SPATA22: variants seen among roughly 807,000 people sequenced by gnomAD.
The protein encoded by SPATA22 is spermatogenesis-associated protein 22.
A neutral mutation model predicts 47.8 loss-of-function variants in SPATA22; 29 were observed. The observed-to-expected ratio is 0.61, with a 90% CI of 0.45 to 0.83. The LOEUF is 0.83. Ranked by LOEUF, SPATA22 falls within the 40% of genes least tolerant of loss-of-function variation. SPATA22 has a pLI of 0.00. For missense variants in SPATA22, 410 were observed against 421.7 expected, an observed-to-expected ratio of 0.97 and a Z score of 0.24; for synonymous variants, 133 against 140.9, an observed-to-expected ratio of 0.94 and a Z score of 0.40.
intron 1 of SPATA22, among the ~76,000 whole-genome samples, chr17:3,470,659 G>A (rs574688498): frequency 2.0e-5 from 3 of 152,168 alleles, no homozygotes; most frequent in Admixed American, 2.0e-4. Context: ...GCTGAGGCAG[G>A]AGAATGGCAT....
chr17:3,487,588 A>C lies in SPATA22; in HGVS notation c.-73-18190T>G, dbSNP rs150758011. On this transcript the variant is annotated intron_variant, in intron 1 of 8. Coordinates refer to the SPATA22 transcript ENST00000541913. ...ACAGGATCTGTATCTCTTATTGCTA[A>C]GCCTTTGATTTGTTTCAGCTAATTG... is the stretch of plus-strand genomic sequence containing the variant. 1.3e-3 allele frequency among the ~76,000 whole-genome samples: 205 copies of C among 152,284 alleles called. 1 individual carries two copies. In the Middle Eastern group the frequency reaches 0.014, roughly 10 times the overall value.
chr17:3,462,686 G>A, intron 4 of SPATA22, 21 bp downstream of exon 4: 1 of 1,603,064 alleles, frequency 6.2e-7, no homozygotes, highest in Non-Finnish European at 8.5e-7. Context: ...CACATCCAAT[G>A]GTTTATATTT....
intron 3 of SPATA22, among the ~76,000 whole-genome samples, chr17:3,464,842 A>G: frequency 9.3e-5 from 10 of 107,488 alleles, no homozygotes; most frequent in Non-Finnish European, 1.7e-4. Context: ...CCGTCTGGGA[A>G]GTGAGGAGCG....
At chr17:3,492,065 C>T (rs1304362786) in intron 1 of SPATA22, among the ~76,000 whole-genome samples, 1 of 151,968 alleles carries the variant, frequency 6.6e-6, no homozygotes, top group Non-Finnish European at 1.5e-5. Context: ...TTTGTAGAGA[C>T]AGGGTTTTGC....
chr17:3,503,767 G>C (rs766871293), intron 1 of SPATA22, among the ~76,000 whole-genome samples: 3 of 151,786 alleles, frequency 2.0e-5, no homozygotes, highest in African/African-American at 7.3e-5. Context: ...ATTTTACTTT[G>C]ATTATTTCTA....
intron 1 of SPATA22, among the ~76,000 whole-genome samples, chr17:3,508,824 G>T (rs149537674): frequency 7.0e-6 from 1 of 143,590 alleles, no homozygotes; most frequent in Non-Finnish European, 1.5e-5. Context: ...TGGGTGCAGC[G>T]CACCAGCATG....
chr17:3,499,365 T>A, intron 1 of SPATA22: 1 of 261,886 alleles, frequency 3.8e-6, no homozygotes, highest in Non-Finnish European at 7.1e-6. Flanking sequence ...AAACAGCCTT[T>A]GTATTCAGAA....
chr17:3,484,515 T>C (rs1431209853), intron 1 of SPATA22, among the ~76,000 whole-genome samples: 1 of 152,060 alleles, frequency 6.6e-6, no homozygotes, highest in African/African-American at 2.4e-5. Flanking sequence ...TGTATGTGTA[T>C]GTGTTTGGGG....
chr17:3,506,992 AAGGGAGGG>A (rs201802589), intron 1 of SPATA22, among the ~76,000 whole-genome samples: 8 of 141,188 alleles, frequency 5.7e-5, no homozygotes, highest in African/African-American at 1.6e-4. Context: ...AAAGAGAAGG[AAGGGAGGG>A]AGGAAGGGAG....
chr17:3,513,819 C>CCGGA (rs2074144481), exon 1 of SPATA22: 1 of 1,037,238 alleles, frequency 9.6e-7, no homozygotes, highest in Admixed American at 2.0e-5. Flanking sequence ...GCCAGCAGAG[C>CCGGA]CGGACTCCAC....
intron 8 of SPATA22, chr17:3,441,190 GA>G (rs973626616): frequency 5.3e-5 from 8 of 152,108 alleles, no homozygotes; most frequent in Middle Eastern, 3.4e-3. Context: ...ATATGAAAAT[GA>G]AAAACTTCTG....
chr17:3,513,827 C>T (rs1204884766), exon 1 of SPATA22: 3 of 1,126,970 alleles, frequency 2.7e-6, no homozygotes, highest in African/African-American at 1.6e-5. Flanking sequence ...AGCCGGACTC[C>T]ACCATCCCTC....
At chr17:3,453,497 T>G (rs773404135) in intron 5 of SPATA22, among the ~76,000 whole-genome samples, 14 of 152,018 alleles carry the variant, frequency 9.2e-5, no homozygotes, top group Non-Finnish European at 1.5e-4. Flanking sequence ...AGGAACATAC[T>G]CCAACACAAT....
At chr17:3,491,877 C>CTTTTTTTT (rs540965896) in intron 1 of SPATA22, among the ~76,000 whole-genome samples, 4 of 123,058 alleles carry the variant, frequency 3.3e-5, no homozygotes, top group Non-Finnish European at 4.9e-5. Context: ...CTTTTGTTTT[C>CTTTTTTTT]TTTTTTTTTT....
At chr17:3,459,000 T>C (rs926618412) in intron 5 of SPATA22, among the ~76,000 whole-genome samples, 2 of 152,024 alleles carry the variant, frequency 1.3e-5, no homozygotes, top group African/African-American at 2.4e-5. Flanking sequence ...TTTGACAACA[T>C]GGATGAACCT....
At chr17:3,459,082 T>C (rs563952981) in intron 5 of SPATA22, among the ~76,000 whole-genome samples, 91 of 123,436 alleles carry the variant, frequency 7.4e-4, no homozygotes, top group African/African-American at 2.5e-3. Flanking sequence ...ATCAAACTCA[T>C]AGAAGCAGAG....
intron 5 of SPATA22, among the ~76,000 whole-genome samples, chr17:3,449,821 C>T (rs1327619703): frequency 6.6e-6 from 1 of 152,018 alleles, no homozygotes; most frequent in East Asian, 1.9e-4. Flanking sequence ...GTTAGGAGTT[C>T]CACAGGAAAC....
At chr17:3,459,174 A>G (rs1416171895) in intron 5 of SPATA22, among the ~76,000 whole-genome samples, 3 of 152,186 alleles carry the variant, frequency 2.0e-5, no homozygotes, top group Non-Finnish European at 4.4e-5. Flanking sequence ...TCAGTTACAT[A>G]GAATGAGTAA....
chr17:3,507,521 G>C (rs539779311), intron 1 of SPATA22, among the ~76,000 whole-genome samples: 2 of 152,318 alleles, frequency 1.3e-5, no homozygotes, highest in African/African-American at 4.8e-5. Flanking sequence ...CCTTTCTGCA[G>C]AACTTTGCTG....
Sources: gnomAD v4.1 joint callset for allele counts (sites outside exome capture counted in the v4.1 genomes callset) on GRCh38, gnomAD v4.1.1 for gene constraint, MANE v1.5 for transcripts, NCBI Gene and HGNC (gene_info 2026-07-23, HGNC 2026-07-21) for gene names.